Variants in SMYD3 observed in about 807,000 individuals in gnomAD.
SMYD3 encodes the protein SET and MYND domain containing 3, also known as histone-lysine N-methyltransferase SMYD3.
A neutral mutation model predicts 57.7 loss-of-function variants in SMYD3; 36 were observed. That is an observed-to-expected ratio of 0.62 (90% confidence interval 0.48 to 0.82). The LOEUF is 0.82. Among genes scored for constraint, SMYD3 ranks in the 40% least tolerant of loss-of-function variants. The pLI is 0.00. For synonymous variants in SMYD3, 211 were observed against 195.0 expected (o/e 1.08, Z -0.68); for missense variants, 515 against 538.8 (o/e 0.96, Z 0.44).
intron 5 of SMYD3, among the ~76,000 whole-genome samples, chr1:246,217,068 A>G (rs2063175906): frequency 6.6e-6 from 1 of 152,146 alleles, no homozygotes; most frequent in Non-Finnish European, 1.5e-5. Flanking sequence ...TACTGGACAG[A>G]GGGGGATAAT....
intron 5 of SMYD3, among the ~76,000 whole-genome samples, chr1:245,932,603 A>T (rs2056784718): frequency 6.6e-6 from 1 of 152,166 alleles, no homozygotes; most frequent in Non-Finnish European, 1.5e-5. Context: ...TCTGTCACCC[A>T]GGCTGGAGTG....
intron 5 of SMYD3, among the ~76,000 whole-genome samples, chr1:246,047,729 C>T (rs981941531): frequency 6.6e-6 from 1 of 152,006 alleles, no homozygotes; most frequent in African/African-American, 2.4e-5. Flanking sequence ...ATCCTAACTA[C>T]TCAGAAGGCT....
intron 5 of SMYD3, among the ~76,000 whole-genome samples, chr1:246,226,571 G>C (rs1416145024): frequency 6.6e-6 from 1 of 152,164 alleles, no homozygotes; most frequent in Non-Finnish European, 1.5e-5. Context: ...TCGAGTCACT[G>C]CAGCGTCTGC....
chr1:246,321,135 G>A (rs538404475), intron 5 of SMYD3, among the ~76,000 whole-genome samples: 2 of 152,294 alleles, frequency 1.3e-5, no homozygotes, highest in South Asian at 4.1e-4. Context: ...CAACAAAACA[G>A]GTAATTCTCA....
intron 5 of SMYD3, among the ~76,000 whole-genome samples, chr1:245,960,764 G>A (rs1334797528): frequency 6.8e-6 from 1 of 147,832 alleles, no homozygotes; most frequent in Non-Finnish European, 1.5e-5. Context: ...GCATAAATTA[G>A]CCTTATAAAT....
chr1:246,298,099 T>C lies in SMYD3; in HGVS notation c.531+29102A>G, dbSNP rs1392296909. Among the ~76,000 whole-genome samples, 3 of 152,160 alleles carry C rather than the reference T, an allele frequency of 2.0e-5. No individual in the cohort carries two copies. The East Asian group carries it at 5.8e-4, about 29-fold the overall frequency. On this transcript the variant is annotated intron_variant, in intron 5 of 11. Coordinates refer to ENST00000490107, the MANE Select transcript of SMYD3 (RefSeq NM_001167740.2). ...TCTTCTGGAAAGACAATAAACAACA[T>C]AAGCTTTTTCCTTTGTCTATATAAA...
chr1:246,328,644 A>AT (rs201447584), intron 4 of SMYD3, among the ~76,000 whole-genome samples: 22 of 149,762 alleles, frequency 1.5e-4, no homozygotes, highest in South Asian at 4.2e-4. Context: ...ATGCTTGTTA[A>AT]TTTTTTTTTG....
At chr1:245,781,414 C>T (rs1466758291) in intron 10 of SMYD3, among the ~76,000 whole-genome samples, 1 of 152,136 alleles carries the variant, frequency 6.6e-6, no homozygotes, top group Non-Finnish European at 1.5e-5. Context: ...TTCTTAACCA[C>T]TAAATCAAAT....
intron 5 of SMYD3, among the ~76,000 whole-genome samples, chr1:246,121,974 A>T (rs780044026): frequency 2.6e-5 from 4 of 152,192 alleles, no homozygotes; most frequent in Non-Finnish European, 5.9e-5. Flanking sequence ...GTGGTATTCA[A>T]AAATAGTTCA....
intron 7 of SMYD3, 138 bp from the exon 8 acceptor site, chr1:245,915,778 T>C (rs1190305734): frequency 3.7e-6 from 2 of 541,552 alleles, no homozygotes; most frequent in Non-Finnish European, 6.5e-6. Flanking sequence ...AAGGTACTGC[T>C]TATAGTTTCT....
intron 8 of SMYD3, among the ~76,000 whole-genome samples, chr1:245,883,697 G>C (rs185479500): frequency 5.9e-5 from 9 of 152,134 alleles, no homozygotes; most frequent in Non-Finnish European, 5.9e-5. Context: ...TATCATGAAA[G>C]GTCCATGGAC....
intron 5 of SMYD3, among the ~76,000 whole-genome samples, chr1:246,002,343 CCCGG>C (rs2059075719): frequency 3.0e-5 from 2 of 65,596 alleles, no homozygotes; most frequent in African/African-American, 8.4e-5. Context: ...CGCCACCACG[CCCGG>C]CTAATTTTTT....
intron 1 of SMYD3, among the ~76,000 whole-genome samples, chr1:246,386,019 G>C (rs552848468): frequency 2.0e-5 from 3 of 152,146 alleles, no homozygotes; most frequent in African/African-American, 7.2e-5. Flanking sequence ...CTCCCAAGTA[G>C]CTGGGACTAC....
intron 2 of SMYD3, among the ~76,000 whole-genome samples, chr1:246,351,873 C>G (rs1004012211): frequency 6.6e-6 from 1 of 152,046 alleles, no homozygotes; most frequent in South Asian, 2.1e-4. Flanking sequence ...CGGTGGCTCA[C>G]GGCTATAATC....
chr1:245,983,523 T>C (rs2148078204), intron 5 of SMYD3, among the ~76,000 whole-genome samples: 1 of 152,346 alleles, frequency 6.6e-6, no homozygotes, highest in South Asian at 2.1e-4. Context: ...TGTTTGACTT[T>C]TCTTCTTAAA....
intron 10 of SMYD3, among the ~76,000 whole-genome samples, chr1:245,810,946 A>T (rs1405435636): frequency 6.6e-6 from 1 of 152,208 alleles, no homozygotes; most frequent in Non-Finnish European, 1.5e-5. Context: ...TGAGGTTATC[A>T]CATACTCTGG....
chr1:246,305,939 A>G (rs1029743070), intron 5 of SMYD3: 1 of 152,140 alleles, frequency 6.6e-6, no homozygotes, highest in East Asian at 1.9e-4. Flanking sequence ...AGAAAGAGCT[A>G]TTGTTGATAG....
At chr1:246,207,821 G>A (rs1033179401) in intron 5 of SMYD3, among the ~76,000 whole-genome samples, 1 of 152,076 alleles carries the variant, frequency 6.6e-6, no homozygotes, top group Non-Finnish European at 1.5e-5. Context: ...GGGGTAGATG[G>A]TACTTTTTCA....
chr1:245,771,867 C>T (rs2046353074), intron 10 of SMYD3, among the ~76,000 whole-genome samples: 1 of 151,890 alleles, frequency 6.6e-6, no homozygotes, highest in African/African-American at 2.4e-5. Flanking sequence ...GGAAACAAAA[C>T]CAAAGGGGAA....
Sources: allele counts gnomAD v4.1 joint callset (sites outside exome capture counted in the v4.1 genomes callset), GRCh38; gene constraint gnomAD v4.1.1; transcripts MANE v1.5; gene names NCBI Gene and HGNC (gene_info 2026-07-23, HGNC 2026-07-21).